The following AREL1 variants were observed in gnomAD, a reference collection of about 807,000 sequenced individuals.
The protein encoded by AREL1 is apoptosis-resistant E3 ubiquitin protein ligase 1.
A neutral mutation model predicts 99.0 loss-of-function variants in AREL1; 62 were observed. The observed-to-expected ratio is 0.63, with a 90% CI of 0.51 to 0.77. The LOEUF (loss-of-function observed/expected upper bound fraction) is 0.77, where lower values mean the gene tolerates loss of function less well. AREL1 is among the 30% of genes least tolerant of loss of function. AREL1 has a pLI of 0.00. For missense variants in AREL1, 879 were observed against 1,027.6 expected, an observed-to-expected ratio of 0.86 and a Z score of 1.98; for synonymous variants, 380 against 376.5, an observed-to-expected ratio of 1.01 and a Z score of -0.11.
intron 17 of AREL1, among the ~76,000 whole-genome samples, chr14:74,666,785 T>A (rs1443687535): frequency 6.6e-6 from 1 of 150,998 alleles, no homozygotes; most frequent in Non-Finnish European, 1.5e-5. Context: ...AGTGGTGCGA[T>A]CTCGGATCAC....
intron 1 of AREL1, among the ~76,000 whole-genome samples, chr14:74,707,394 G>A (rs527796057): frequency 6.6e-6 from 1 of 151,720 alleles, no homozygotes; most frequent in African/African-American, 2.4e-5. Flanking sequence ...CGGGCACAGT[G>A]GATCACACCG....
chr14:74,665,898 G>A (rs1223474342), intron 17 of AREL1, among the ~76,000 whole-genome samples: 1 of 152,218 alleles, frequency 6.6e-6, no homozygotes, highest in Non-Finnish European at 1.5e-5. Context: ...ACTAAGAGCA[G>A]GATGTGGAAC....
At chr14:74,708,931 G>A (rs1228739497) in intron 1 of AREL1, among the ~76,000 whole-genome samples, 1 of 152,192 alleles carries the variant, frequency 6.6e-6, no homozygotes, top group Non-Finnish European at 1.5e-5. Context: ...CTATGGTGCT[G>A]TAACACCATA....
chr14:74,697,948 T>C (rs2090007529), intron 1 of AREL1, among the ~76,000 whole-genome samples: 1 of 152,156 alleles, frequency 6.6e-6, no homozygotes, highest in African/African-American at 2.4e-5. Flanking sequence ...AAATGACCCA[T>C]GTTCCTACAG....
chr14:74,670,532 A>G, intron 13 of AREL1: 2 of 515,436 alleles, frequency 3.9e-6, no homozygotes, highest in Admixed American at 6.8e-5. Flanking sequence ...ACATTATACT[A>G]TAATGTTTTT....
intron 1 of AREL1, among the ~76,000 whole-genome samples, chr14:74,694,761 G>A (rs779751396): frequency 1.6e-4 from 25 of 151,952 alleles, no homozygotes; most frequent in East Asian, 5.8e-4. Flanking sequence ...AGGCTGAAGC[G>A]GGCGGATCAT....
chr14:74,700,922 C>T (rs2090074564), intron 1 of AREL1, among the ~76,000 whole-genome samples: 1 of 152,114 alleles, frequency 6.6e-6, no homozygotes. Flanking sequence ...ACTCTGGGGA[C>T]AATGTGAAAG....
intron 13 of AREL1, 107 bp downstream of exon 13, chr14:74,670,655 A>AG (rs2089313496): frequency 1.2e-6 from 1 of 853,766 alleles, no homozygotes; most frequent in African/African-American, 1.7e-5. Context: ...AATTAAGAAT[A>AG]GGACACAGGT....
chr14:74,685,034 TG>T (rs2089717784), intron 3 of AREL1, among the ~76,000 whole-genome samples: 1 of 152,222 alleles, frequency 6.6e-6, no homozygotes, highest in Admixed American at 6.5e-5. Context: ...ATTTACTCTC[TG>T]GCCTTTTATA....
At chr14:74,672,230 G>T (rs2089365053) in intron 11 of AREL1, among the ~76,000 whole-genome samples, 1 of 152,182 alleles carries the variant, frequency 6.6e-6, no homozygotes, top group Non-Finnish European at 1.5e-5. Context: ...CCATTCAGTA[G>T]ATTTGAAGGC....
At chr14:74,682,783 C>CCTCT (rs576386068) in intron 5 of AREL1, among the ~76,000 whole-genome samples, 1 of 150,880 alleles carries the variant, frequency 6.6e-6, no homozygotes, top group Non-Finnish European at 1.5e-5. Flanking sequence ...GCACCTCCTC[C>CCTCT]CTCTCTCTCT....
chr14:74,688,926 TC>T (rs1171993178), intron 2 of AREL1, among the ~76,000 whole-genome samples: 1 of 151,948 alleles, frequency 6.6e-6, no homozygotes, highest in African/African-American at 2.4e-5. Flanking sequence ...AACCTCCACC[TC>T]CCAGGTTCAA....
chr14:74,670,451 A>C (rs1594756725), intron 13 of AREL1, among the ~76,000 whole-genome samples: 1 of 152,196 alleles, frequency 6.6e-6, no homozygotes, highest in East Asian at 1.9e-4. Context: ...ACAAAGATCT[A>C]GTACAGGAAT....
intron 11 of AREL1, 150 bp downstream of exon 11, chr14:74,672,681 G>C: frequency 9.4e-7 from 1 of 1,059,456 alleles, no homozygotes; most frequent in South Asian, 1.5e-5. Flanking sequence ...GCTGCAGTGA[G>C]CCATGATCGC....
At chr14:74,706,728 G>T (rs908959103) in intron 1 of AREL1, among the ~76,000 whole-genome samples, 14 of 152,154 alleles carry the variant, frequency 9.2e-5, no homozygotes, top group African/African-American at 3.4e-4. Flanking sequence ...CAACACTTTA[G>T]AAACATAAAA....
chr14:74,701,627 A>G lies in AREL1; in HGVS notation c.-333-9299T>C, dbSNP rs146559865. On this transcript the variant is annotated intron_variant, in intron 1 of 19. Transcript: ENST00000356357. ...ATTTGGATGGGGACACAGCCAAACC[A>G]TATCATTCCACCCCGGCCCCTCCCA... The G allele has an allele frequency of 7.2e-5, 11 of 152,252 alleles. No individual in the cohort carries two copies. In the East Asian group the frequency reaches 1.7e-3, roughly 24 times the overall value. 9.4% of individuals were successfully genotyped at this position (152,252 alleles called of 1,614,324 possible). A position where few individuals can be genotyped will look rare whatever the true frequency, so the allele number is the denominator to read the frequency against.
At position 74,676,227 on chromosome 14, in the gene AREL1, AG is replaced by A. The variant is rs1349100717; in HGVS notation, c.745del (p.Leu249CysfsTer28). ...AGCATGGAAGCAGCCTCGAGAATGC[AG>A]GGTGAGTCGCAAGAACACCTGGAAA... ...QTFQVFLRLTLHSRGCFHACI... is the reference protein window; with the variant it reads ...QTFQVFLRLTXHSRGCFHACI... On this transcript the variant is annotated frameshift_variant, in exon 7 of 20. Coordinates refer to ENST00000356357, the MANE Select transcript of AREL1 (RefSeq NM_001039479.2). LOFTEE classifies it high-confidence loss of function. The A allele has an allele frequency of 6.2e-7, 1 of 1,614,072 alleles. No individual in the cohort carries two copies. The highest frequency in any genetic ancestry group is 8.5e-7 in the Non-Finnish European group (1 of 1,180,036).
intron 11 of AREL1, among the ~76,000 whole-genome samples, chr14:74,672,495 G>A (rs1219057054): frequency 6.6e-6 from 1 of 152,188 alleles, no homozygotes; most frequent in Non-Finnish European, 1.5e-5. Context: ...CCAACACTTT[G>A]GGAGGCTGAG....
chr14:74,679,022 C>G (rs2089564253), intron 5 of AREL1, among the ~76,000 whole-genome samples: 3 of 152,258 alleles, frequency 2.0e-5, no homozygotes, highest in South Asian at 4.1e-4. Flanking sequence ...CCACCCTACT[C>G]CCCAGTAGCT....
Sources: gnomAD v4.1 joint callset for allele counts (sites outside exome capture counted in the v4.1 genomes callset) on GRCh38, gnomAD v4.1.1 for gene constraint, MANE v1.5 for transcripts, NCBI Gene and HGNC (gene_info 2026-07-23, HGNC 2026-07-21) for gene names.